The following ERG variants were observed in gnomAD, a reference collection of about 807,000 sequenced individuals.
ERG encodes ETS transcription factor ERG.
A neutral mutation model predicts 55.3 loss-of-function variants in ERG; 9 were observed. The ratio of observed to expected loss-of-function variants is 0.16; its 90% CI spans 0.10 to 0.28. ERG has a LOEUF of 0.28. Among genes scored for constraint, ERG ranks in the 10% least tolerant of loss-of-function variants. ERG has a pLI of 1.00. For missense variants in ERG, 434 were observed against 631.6 expected, an observed-to-expected ratio of 0.69 and a Z score of 3.35; for synonymous variants, 223 against 237.3, an observed-to-expected ratio of 0.94 and a Z score of 0.55.
Position 38,400,567 on chromosome 21 carries a change from T to C in ERG, c.745+7A>G. ...AATGAAGAGATCACACAGGGGTGTT[T>C]TCGTACCTGGCCTAGTTGTAATTCT... is the stretch of plus-strand genomic sequence containing the variant. On this transcript the variant is annotated splice_region_variant and intron_variant, in intron 6 of 9. Coordinates refer to ENST00000288319, the MANE Select transcript of ERG (RefSeq NM_182918.4). 1 of 1,611,414 alleles carries C rather than the reference T, an allele frequency of 6.2e-7. No individual in the cohort carries two copies. The highest frequency in any genetic ancestry group is 2.2e-5 in the East Asian group (1 of 44,860).
chr21:38,473,181 G>GAAAAAAA, intron 1 of ERG, among the ~76,000 whole-genome samples: 2 of 141,180 alleles, frequency 1.4e-5, no homozygotes, highest in African/African-American at 5.2e-5. Context: ...AAAAAAAAAG[G>GAAAAAAA]CTTAGAGACA....
intron 2 of ERG, among the ~76,000 whole-genome samples, chr21:38,563,709 C>T (rs576212650): frequency 6.6e-6 from 1 of 152,348 alleles, no homozygotes; most frequent in Admixed American, 6.5e-5. Context: ...GTGCTACATA[C>T]ATAACGTATA....
At chr21:38,378,648 C>A (rs1040466735), downstream of ERG, among the ~76,000 whole-genome samples, 4 of 152,162 alleles carry the variant, frequency 2.6e-5, no homozygotes, top group Non-Finnish European at 5.9e-5. Context: ...CCCCACTGAA[C>A]CTGCACTAAC....
intron 3 of ERG, among the ~76,000 whole-genome samples, chr21:38,417,663 C>T (rs1989339875): frequency 6.6e-6 from 1 of 152,082 alleles, no homozygotes; most frequent in Admixed American, 6.6e-5. Context: ...GTGGCAGGCG[C>T]CTGAGATCCC....
At chr21:38,485,396 A>G (rs967999378) in intron 1 of ERG, among the ~76,000 whole-genome samples, 1 of 152,096 alleles carries the variant, frequency 6.6e-6, no homozygotes, top group Admixed American at 6.5e-5. Flanking sequence ...AAAAAAAGTT[A>G]TAGTAATCTA....
At chr21:38,395,974 A>G (rs891444943) in intron 6 of ERG, among the ~76,000 whole-genome samples, 3 of 152,218 alleles carry the variant, frequency 2.0e-5, no homozygotes, top group Non-Finnish European at 2.9e-5. Context: ...AAGGGCAAGA[A>G]TGTGGATCGT....
chr21:38,496,214 C>A (rs557135945), intron 1 of ERG, among the ~76,000 whole-genome samples: 1 of 152,256 alleles, frequency 6.6e-6, no homozygotes, highest in South Asian at 2.1e-4. Context: ...ATAAAAACTC[C>A]ACTCAAATGC....
intron 2 of ERG, among the ~76,000 whole-genome samples, chr21:38,431,159 A>G (rs1275934095): frequency 6.6e-6 from 1 of 152,232 alleles, no homozygotes; most frequent in Non-Finnish European, 1.5e-5. Flanking sequence ...CACGGCAAAG[A>G]ATATCAAATA....
intron 2 of ERG, among the ~76,000 whole-genome samples, chr21:38,522,885 A>C (rs186145568): frequency 1.5e-3 from 235 of 152,370 alleles, no homozygotes; most frequent in Middle Eastern, 0.01. Context: ...CAATCTTTTT[A>C]AATACCATAT....
chr21:38,368,969 G>T, the ERG span, among the ~76,000 whole-genome samples: 2 of 152,166 alleles, frequency 1.3e-5, no homozygotes, highest in African/African-American at 4.8e-5. Context: ...TGGTTACATA[G>T]AATTTCTTGG....
Position 38,590,735 on chromosome 21 carries a change from C to T in ERG, c.-149-5790G>A, listed in dbSNP as rs78460433. ...TCCATCCATCCATACGCACTGAGTT[C>T]CCTCCATGTGCCAAGCACTGAGCTA... On this transcript the variant is annotated intron_variant, in intron 1 of 10. Transcript: ENST00000398910. Among the ~76,000 whole-genome samples, 77 of 152,330 alleles carry T rather than the reference C, an allele frequency of 5.1e-4. 1 individual carries two copies. In the East Asian group the frequency reaches 0.01, roughly 20 times the overall value.
At chr21:38,598,574 C>G (rs909591081) in intron 1 of ERG, among the ~76,000 whole-genome samples, 1 of 152,216 alleles carries the variant, frequency 6.6e-6, no homozygotes, top group Non-Finnish European at 1.5e-5. Context: ...CAGAATAGCA[C>G]ACAGAGCACA....
intron 1 of ERG, among the ~76,000 whole-genome samples, chr21:38,614,903 G>A (rs2060249758): frequency 3.9e-5 from 6 of 152,224 alleles, no homozygotes; most frequent in Admixed American, 3.9e-4. Flanking sequence ...CCCTCTGGGG[G>A]AAGCCCAAGA....
At chr21:38,559,030 C>T (rs2059875871) in intron 2 of ERG, among the ~76,000 whole-genome samples, 1 of 152,148 alleles carries the variant, frequency 6.6e-6, no homozygotes, top group Admixed American at 6.5e-5. Context: ...TTTGCATGCA[C>T]AGGGCAGAAC....
At chr21:38,434,379 T>C (rs1309702998) in intron 2 of ERG, among the ~76,000 whole-genome samples, 1 of 152,160 alleles carries the variant, frequency 6.6e-6, no homozygotes, top group African/African-American at 2.4e-5. Flanking sequence ...GACCACCTGA[T>C]ACCTGCCCTA....
At chr21:38,582,709 A>C (rs73429453) in intron 1 of ERG, among the ~76,000 whole-genome samples, 2 of 152,232 alleles carry the variant, frequency 1.3e-5, no homozygotes, top group Non-Finnish European at 2.9e-5. Context: ...GAAAGTAAAA[A>C]TATTTCAAAT....
chr21:38,566,676 CGCAAAAGACA>C (rs1159489941), intron 2 of ERG, among the ~76,000 whole-genome samples: 4 of 152,120 alleles, frequency 2.6e-5, no homozygotes, highest in Admixed American at 6.5e-5. Flanking sequence ...ACAGAAGCCA[CGCAAAAGACA>C]GCAGCCTTCA....
At position 38,460,957 on chromosome 21, in the gene ERG, G is replaced by A. The variant is rs1406799997; in HGVS notation, c.19-15336C>T. Among the ~76,000 whole-genome samples the A allele has an allele frequency of 2.6e-5, 4 of 152,180 alleles. No homozygotes were observed. Among genetic ancestry groups the A allele is most frequent in the Non-Finnish European group, 4.4e-5 (3 of 68,032 alleles). On this transcript the variant is annotated intron_variant, in intron 1 of 9. Transcript: ENST00000288319. This position sits in a 1 kb window ranked among gnomAD's most constrained non-coding sequence, Gnocchi z 5.0. ...TTCCCAGAGCTCTATCTGGTAGAACGTGTCTCCATATTAATAAGCAGTGAA... is the reference window on the plus strand; with the variant it reads ...TTCCCAGAGCTCTATCTGGTAGAACATGTCTCCATATTAATAAGCAGTGAA...
At chr21:38,632,342 T>G (rs889324507) in intron 1 of ERG, among the ~76,000 whole-genome samples, 1 of 152,184 alleles carries the variant, frequency 6.6e-6, no homozygotes, top group Non-Finnish European at 1.5e-5. Context: ...CCCATTAGGA[T>G]GAACACTATA....
Sources: gnomAD v4.1 joint callset for allele counts (sites outside exome capture counted in the v4.1 genomes callset) on GRCh38, gnomAD v4.1.1 for gene constraint, Gnocchi (gnomAD v3.1) non-coding constraint, MANE v1.5 for transcripts, NCBI Gene and HGNC (gene_info 2026-07-23, HGNC 2026-07-21) for gene names.